The following MTIF3 variants were observed in gnomAD, a reference collection of about 807,000 sequenced individuals.
MTIF3 encodes the protein translation initiation factor IF-3, mitochondrial.
MTIF3 carries 13 observed loss-of-function variants against 20.7 expected under a neutral mutation model. That is an observed-to-expected ratio of 0.63 (90% CI 0.41 to 1.00). MTIF3 has a LOEUF of 1.00. Ranked by LOEUF, MTIF3 falls within the 50% of genes least tolerant of loss-of-function variation. MTIF3 has a pLI of 0.00. For synonymous variants in MTIF3, 114 were observed against 112.5 expected (o/e 1.01, Z -0.08); for missense variants, 295 against 324.5 (o/e 0.91, Z 0.70).
intron 1 of MTIF3, among the ~76,000 whole-genome samples, chr13:27,445,803 C>T (rs191437743): frequency 5.2e-4 from 79 of 152,172 alleles, no homozygotes; most frequent in African/African-American, 1.8e-3. Flanking sequence ...CCAGGGGATA[C>T]AAGGGCCAGA....
chr13:27,445,216 A>C (rs1243045974), intron 1 of MTIF3, 60 bp from the exon 2 acceptor site: 9 of 152,260 alleles, frequency 5.9e-5, no homozygotes, highest in Admixed American at 5.9e-4. Context: ...ACGATGTCTC[A>C]CACCTGTAAT....
chr13:27,443,537 C>T (rs1954071354), intron 2 of MTIF3, among the ~76,000 whole-genome samples: 1 of 152,078 alleles, frequency 6.6e-6, no homozygotes, highest in African/African-American at 2.4e-5. Flanking sequence ...TAGAAGTTAT[C>T]ACATGTAAAA....
At chr13:27,438,353 G>T (rs1371090118) in intron 3 of MTIF3, among the ~76,000 whole-genome samples, 2 of 148,014 alleles carry the variant, frequency 1.4e-5, no homozygotes, top group African/African-American at 5.0e-5. Context: ...GGCCAGGCAT[G>T]GTGGTGTGCA....
rs764011201 is a variant in MTIF3 at position 27,435,902 on chromosome 13, G to C, written c.619-9C>G. The C allele has an allele frequency of 6.3e-7, 1 of 1,595,794 alleles. No homozygotes were observed. The highest frequency in any genetic ancestry group is 1.1e-5 in the South Asian group (1 of 90,340). On this transcript the variant is annotated splice_polypyrimidine_tract_variant and intron_variant, in intron 4 of 4. Transcript: ENST00000381120. ...TGATGAAATATCTCCTCCTAAAAAA[G>C]GGAAACAGCCAAAGATTAATTTAAA...
At chr13:27,438,749 G>C (rs1451442233) in intron 3 of MTIF3, among the ~76,000 whole-genome samples, 5 of 151,856 alleles carry the variant, frequency 3.3e-5, no homozygotes, top group Admixed American at 6.6e-5. Context: ...ACCTGCCTTG[G>C]CCTCCCAAAG....
Position 27,440,268 on chromosome 13 carries a change from T to A in MTIF3, c.181A>T (p.Thr61Ser), listed in dbSNP as rs1426203213. 1 of 1,614,222 alleles carries A rather than the reference T, an allele frequency of 6.2e-7. No individual in the cohort carries two copies. Among genetic ancestry groups the A allele is most frequent in the Admixed American group, 1.7e-5 (1 of 60,024 alleles). ...HAKAFSTAED[T>S]QNEGKKTKKN... ...TTTGTCTTTTTTCCTTCATTCTGGGTGTCTTCAGCGGTACTAAAGGCTTTT... is the reference window on the plus strand; with the variant it reads ...TTTGTCTTTTTTCCTTCATTCTGGGAGTCTTCAGCGGTACTAAAGGCTTTT... Residue 61 changes from threonine (T) to serine (S), a missense_variant, in exon 3 of 5, where the codon ACC (threonine) becomes TCC (serine). Transcript: ENST00000381120.
intron 1 of MTIF3, among the ~76,000 whole-genome samples, chr13:27,447,680 TC>T (rs1207292527): frequency 6.6e-6 from 1 of 152,202 alleles, no homozygotes. Context: ...TCTTGCCATT[TC>T]CAAGTCAATC....
chr13:27,442,472 G>C (rs1426126054), intron 2 of MTIF3, among the ~76,000 whole-genome samples: 7 of 152,136 alleles, frequency 4.6e-5, no homozygotes, highest in Non-Finnish European at 7.4e-5. Context: ...CCTTAAAAAT[G>C]CGTAAGTCAG....
chr13:27,437,529 A>G (rs961147389), intron 3 of MTIF3, among the ~76,000 whole-genome samples: 3 of 152,240 alleles, frequency 2.0e-5, no homozygotes, highest in Admixed American at 1.3e-4. Flanking sequence ...TTGAAAGAAC[A>G]CCAAAAGATA....
intron 2 of MTIF3, among the ~76,000 whole-genome samples, chr13:27,440,820 A>G (rs1398021541): frequency 6.6e-6 from 1 of 152,132 alleles, no homozygotes; most frequent in African/African-American, 2.4e-5. Flanking sequence ...GTGCAGTTGA[A>G]AATCTGTGTA....
chr13:27,437,369 C>A, intron 3 of MTIF3, 96 bp from the exon 4 acceptor site: 3 of 1,093,374 alleles, frequency 2.7e-6, no homozygotes, highest in Non-Finnish European at 3.9e-6. Context: ...AGGTTGCCAC[C>A]TGACAATCTT....
chr13:27,444,740 T>C (rs1034790679), intron 2 of MTIF3, among the ~76,000 whole-genome samples: 1 of 152,356 alleles, frequency 6.6e-6, no homozygotes, highest in East Asian at 1.9e-4. Flanking sequence ...CAGGAAATAG[T>C]ATGTATCTCT....
chr13:27,447,655 TC>T (rs1250600464), intron 1 of MTIF3, among the ~76,000 whole-genome samples: 2 of 152,190 alleles, frequency 1.3e-5, no homozygotes, highest in Non-Finnish European at 2.9e-5. Flanking sequence ...ATCACCATTA[TC>T]CCAGGAAGTT....
intron 2 of MTIF3, 59 bp downstream of exon 2, chr13:27,445,029 A>G (rs962459358): frequency 2.6e-5 from 4 of 152,212 alleles, no homozygotes; most frequent in African/African-American, 9.6e-5. Context: ...GGACTATTAT[A>G]TTGATTTTTT....
intron 3 of MTIF3, among the ~76,000 whole-genome samples, chr13:27,438,204 G>A (rs879942040): frequency 4.0e-5 from 6 of 151,872 alleles, no homozygotes; most frequent in Admixed American, 3.3e-4. Flanking sequence ...ATAAAGATTG[G>A]GGGCCAGGTG....
Position 27,435,679 on chromosome 13 carries a change from T to C in MTIF3, c.833A>G (p.Gln278Arg), listed in dbSNP as rs756731092. The C allele has an allele frequency of 1.9e-6, 3 of 1,613,612 alleles. No homozygotes were observed. The highest frequency in any genetic ancestry group is 2.2e-5 in the East Asian group (1 of 44,878). ...GNDKESNVLHQ is the reference protein window; with the variant it reads ...GNDKESNVLHR ...GCATGCTTTTCTTTATTAAAATTAC[T>C]GATGCAGAACATTTGATTCCTTATC... Residue 278 changes from glutamine (Q) to arginine (R), a missense_variant, in exon 5 of 5, where the codon CAG becomes CGG. Gln to Arg is a conservative substitution (Grantham distance 43). Transcript: ENST00000381120.
At chr13:27,442,548 C>G (rs141251537) in intron 2 of MTIF3, among the ~76,000 whole-genome samples, 1 of 152,324 alleles carries the variant, frequency 6.6e-6, no homozygotes, top group Non-Finnish European at 1.5e-5. Flanking sequence ...AAGCTAAGCT[C>G]TCTACCATGC....
intron 1 of MTIF3, among the ~76,000 whole-genome samples, chr13:27,448,586 G>A (rs1469899313): frequency 6.6e-6 from 1 of 152,186 alleles, no homozygotes; most frequent in East Asian, 1.9e-4. Context: ...ATGAGGCTGA[G>A]CTGTTTACGT....
chr13:27,439,710 C>A (rs898425852), intron 3 of MTIF3, among the ~76,000 whole-genome samples: 2 of 152,110 alleles, frequency 1.3e-5, no homozygotes, highest in African/African-American at 4.8e-5. Flanking sequence ...GGAAAGAGTT[C>A]TCTTCACTTT....
Sources: allele counts gnomAD v4.1 joint callset (sites outside exome capture counted in the v4.1 genomes callset), GRCh38; gene constraint gnomAD v4.1.1; transcripts MANE v1.5; gene names NCBI Gene and HGNC (gene_info 2026-07-23, HGNC 2026-07-21).